The following EML6 variants were observed in gnomAD, a reference collection of about 807,000 sequenced individuals.
EML6 encodes the protein EMAP like 6.
Under a neutral mutation model 240.1 loss-of-function variants are expected in EML6, and 154 were observed. That is an observed-to-expected ratio of 0.64 (90% CI 0.56 to 0.73). The LOEUF (loss-of-function observed/expected upper bound fraction) is 0.73. Ranked by LOEUF, EML6 falls within the 30% of genes least tolerant of loss-of-function variation. The pLI is 0.00. For missense variants in EML6, 2,964 were observed against 2,474.6 expected (o/e 1.20, Z -4.20); for synonymous variants, 1,148 against 899.0 (o/e 1.28, Z -4.95).
At chr2:54,919,038 C>G (rs762546560) in intron 26 of EML6, among the ~76,000 whole-genome samples, 1 of 152,186 alleles carries the variant, frequency 6.6e-6, no homozygotes, top group African/African-American at 2.4e-5. Context: ...TTGATGCCAC[C>G]TCTCCTGATT....
intron 26 of EML6, among the ~76,000 whole-genome samples, chr2:54,923,763 G>C (rs1038473880): frequency 2.0e-5 from 3 of 152,012 alleles, no homozygotes; most frequent in Non-Finnish European, 4.4e-5. Flanking sequence ...GCCACCCCAG[G>C]CTGCTTCCTC....
At chr2:54,841,490 A>C (rs1453095934) in intron 7 of EML6, among the ~76,000 whole-genome samples, 2 of 151,972 alleles carry the variant, frequency 1.3e-5, no homozygotes, top group African/African-American at 4.8e-5. Flanking sequence ...ACCACAGTGA[A>C]GTGATTAAGA....
chr2:54,875,041 C>T (rs982735683), intron 16 of EML6, among the ~76,000 whole-genome samples: 1 of 152,166 alleles, frequency 6.6e-6, no homozygotes, highest in African/African-American at 2.4e-5. Context: ...AGTGTGTACA[C>T]TTGGCAAGAG....
At chr2:54,891,010 C>T in intron 17 of EML6, 44 bp from the exon 18 acceptor site, 1 of 940,816 alleles carries the variant, frequency 1.1e-6, no homozygotes, top group Non-Finnish European at 1.6e-6. Context: ...ACTGTTACTG[C>T]TTCCATCCAA....
intron 2 of EML6, among the ~76,000 whole-genome samples, chr2:54,768,600 A>G (rs79457023): frequency 0.013 from 1,962 of 152,290 alleles, 41 homozygotes; most frequent in African/African-American, 0.045. Flanking sequence ...TTGGTTGGTG[A>G]CAAGCAACAT....
At chr2:54,797,485 G>A (rs901944834) in intron 2 of EML6, among the ~76,000 whole-genome samples, 3 of 152,116 alleles carry the variant, frequency 2.0e-5, no homozygotes, top group African/African-American at 7.2e-5. Flanking sequence ...CGGATGGAGG[G>A]TTTGGTTTCA....
chr2:54,949,007 T>C (rs1389748583), intron 29 of EML6, 47 bp downstream of exon 29: 3 of 1,358,300 alleles, frequency 2.2e-6, no homozygotes, highest in African/African-American at 2.9e-5. Flanking sequence ...TTCTAAGACA[T>C]ACCTGGTAGA....
At chr2:54,913,182 CAT>C (rs1344848798) in intron 25 of EML6, among the ~76,000 whole-genome samples, 1 of 144,524 alleles carries the variant, frequency 6.9e-6, no homozygotes, top group Non-Finnish European at 1.5e-5. Context: ...AACATTTTTT[CAT>C]ATTTGTTGGC....
chr2:54,870,728 C>T (rs555024838), intron 15 of EML6, among the ~76,000 whole-genome samples: 1 of 152,132 alleles, frequency 6.6e-6, no homozygotes, highest in South Asian at 2.1e-4. Flanking sequence ...AGTTACTGCA[C>T]TCAATACTGT....
At chr2:54,936,138 T>C (rs1230055176) in intron 28 of EML6, among the ~76,000 whole-genome samples, 3 of 152,236 alleles carry the variant, frequency 2.0e-5, no homozygotes, top group Non-Finnish European at 4.4e-5. Flanking sequence ...TACGGAAATA[T>C]TTAGTGCCAA....
At chr2:54,864,335 A>G (rs1558627178) in intron 13 of EML6, among the ~76,000 whole-genome samples, 1 of 152,202 alleles carries the variant, frequency 6.6e-6, no homozygotes, top group Non-Finnish European at 1.5e-5. Context: ...ACCATTATCC[A>G]TTTAATCAAA....
chr2:54,957,354 GAAAAA>G (rs11315862), intron 32 of EML6, among the ~76,000 whole-genome samples: 2 of 106,480 alleles, frequency 1.9e-5, no homozygotes, highest in Non-Finnish European at 3.7e-5. Context: ...AGAATCTTAG[GAAAAA>G]AAAAAAAAAA....
intron 2 of EML6, among the ~76,000 whole-genome samples, chr2:54,782,740 C>G (rs1310785528): frequency 6.7e-6 from 1 of 149,836 alleles, no homozygotes; most frequent in East Asian, 1.9e-4. Context: ...TACCCTCATT[C>G]ATTGTTCATC....
At position 54,962,312 on chromosome 2, in the gene EML6, A is replaced by G. The variant is rs558738663; in HGVS notation, c.4969-211A>G. Among the ~76,000 whole-genome samples, 13 of 152,202 alleles carry G rather than the reference A, an allele frequency of 8.5e-5. No individual in the cohort carries two copies. In the South Asian group the frequency reaches 2.7e-3, roughly 32 times the overall value. The stretch of plus-strand genomic sequence containing the variant: ...ATTCAGTGGCATTAGGTGCATTCAC[A>G]TGTTGTGCAGCCATCACCACCATCC... On this transcript the variant is annotated intron_variant, in intron 35 of 41. Transcript: ENST00000356458.
At chr2:54,741,456 A>G (rs1393679824) in intron 2 of EML6, among the ~76,000 whole-genome samples, 2 of 152,026 alleles carry the variant, frequency 1.3e-5, no homozygotes, top group Admixed American at 6.5e-5. Flanking sequence ...GTACACACGC[A>G]CACACACACA....
intron 2 of EML6, among the ~76,000 whole-genome samples, chr2:54,802,648 C>G (rs1188414486): frequency 6.8e-6 from 1 of 147,426 alleles, no homozygotes; most frequent in East Asian, 1.9e-4. Flanking sequence ...ACTACTACTA[C>G]TACTACTACT....
At chr2:54,844,959 T>C (rs1196485312) in intron 8 of EML6, among the ~76,000 whole-genome samples, 3 of 152,218 alleles carry the variant, frequency 2.0e-5, no homozygotes, top group South Asian at 4.1e-4. Flanking sequence ...TGCTGAGCTT[T>C]AGATATGCTC....
intron 41 of EML6, 120 bp downstream of exon 41, chr2:54,968,888 T>C (rs760404428): frequency 1.2e-5 from 7 of 605,282 alleles, no homozygotes; most frequent in Non-Finnish European, 2.1e-5. Context: ...GTGGGGCTAA[T>C]AAACAGGAAA....
chr2:54,851,737 T>C (rs1670101923), intron 10 of EML6, among the ~76,000 whole-genome samples: 1 of 152,232 alleles, frequency 6.6e-6, no homozygotes, highest in African/African-American at 2.4e-5. Flanking sequence ...TCATTGTTCA[T>C]TAATGTGTAC....
Sources: allele counts gnomAD v4.1 joint callset (sites outside exome capture counted in the v4.1 genomes callset), GRCh38; gene constraint gnomAD v4.1.1; transcripts MANE v1.5; gene names NCBI Gene and HGNC (gene_info 2026-07-23, HGNC 2026-07-21).